Variants in FBXO22 observed in about 807,000 individuals in gnomAD.
FBXO22 encodes the protein F-box protein 22.
A neutral mutation model predicts 37.2 loss-of-function variants in FBXO22; 13 were observed. That is an observed-to-expected ratio of 0.35 (90% CI 0.23 to 0.56). The LOEUF is 0.56. Among genes scored for constraint, FBXO22 ranks in the 20% least tolerant of loss-of-function variants. The pLI is 0.87. For missense variants in FBXO22, 446 were observed against 509.9 expected (o/e 0.87, Z 1.21); for synonymous variants, 189 against 189.1 (o/e 1.00, Z 0.00).
chr15:75,914,119 G>T lies in FBXO22; in HGVS notation c.377G>T (p.Arg126Ile), dbSNP rs1389079567. Residue 126 changes from arginine to isoleucine, a missense_variant, in exon 4 of 7, where the codon AGA becomes ATA. Physicochemically the swap from Arg to Ile is moderately conservative, Grantham distance 97. This residue lies in a region of FBXO22 where 315 missense variants were observed against 410.1 expected (regional missense o/e 0.77). Coordinates refer to ENST00000308275, the MANE Select transcript of FBXO22 (RefSeq NM_147188.3). ...ECRGHKRARK[R>I]TSMETALALE... ...TACTGTATTTTTACAGCAAGGAAAA[G>T]AACTAGTATGGAAACAGCACTTGCC... is the stretch of plus-strand genomic sequence containing the variant. 5 of 1,611,486 alleles carry T rather than the reference G, an allele frequency of 3.1e-6. No individual in the cohort carries two copies. The highest frequency in any genetic ancestry group is 2.7e-5 in the African/African-American group (2 of 74,832).
intron 5 of FBXO22, among the ~76,000 whole-genome samples, chr15:75,928,689 C>T (rs553883280): frequency 1.3e-4 from 20 of 152,142 alleles, no homozygotes; most frequent in African/African-American, 3.6e-4. Flanking sequence ...CCATGACACA[C>T]GTTTGCCTGT....
rs2030205379 is a variant in FBXO22, at chr15:75,934,761, T to C, written c.*1659T>C. On this transcript the variant is annotated 3_prime_UTR_variant, in exon 7 of 7. Coordinates refer to ENST00000308275, the MANE Select transcript of FBXO22 (RefSeq NM_147188.3). ...ATTTTAGTCCTTGAATGTGCTCATA[T>C]AGCCCATAAGGCAAATATTTTTTAA... 6.6e-6 allele frequency: 1 copy of C among 152,248 alleles called. No homozygotes were observed. Among genetic ancestry groups the C allele is most frequent in the South Asian group, 2.1e-4 (1 of 4,828 alleles). The allele number at this position is 152,248 out of a possible 1,614,324, so 9.4% of individuals were successfully genotyped here.
chr15:75,903,900 C>T lies in FBXO22; in HGVS notation c.-64C>T, dbSNP rs924479345. 9.8e-6 allele frequency: 14 copies of T among 1,429,898 alleles called. No individual in the cohort carries two copies. Among genetic ancestry groups the T allele is most frequent in the Non-Finnish European group, 1.2e-5 (13 of 1,088,848 alleles). 88.6% of individuals were successfully genotyped at this position (1,429,898 alleles called of 1,614,324 possible). On this transcript the variant is annotated 5_prime_UTR_variant, in exon 1 of 7. Transcript: ENST00000308275. ...CTCAGTGCGCGCCGGCCGGGCAACC[C>T]TATGCTGGCGTAATCGGGTTCCTCC...
At position 75,936,358 on chromosome 15, in the gene FBXO22, C is replaced by G. The variant is rs988245751; in HGVS notation, c.*3256C>G. The G allele has an allele frequency of 3.9e-5, 6 of 152,066 alleles. No homozygotes were observed. Among genetic ancestry groups the G allele is most frequent in the Admixed American group, 1.3e-4 (2 of 15,274 alleles). The allele number at this position is 152,066 out of a possible 1,614,324, so 9.4% of individuals were successfully genotyped here. ...AGTAATAATATCCTTGTTAAATGAA[C>G]AAAGTGAATACGATATAAAGAATGT... On this transcript the variant is annotated 3_prime_UTR_variant, in exon 7 of 7. Coordinates refer to ENST00000308275, the MANE Select transcript of FBXO22 (RefSeq NM_147188.3).
rs1192055229 is a variant in FBXO22 at position 75,936,030 on chromosome 15, GC to G, written c.*2931del. ...TCTCGATCTCCTGACCTTGTGATCC[GC>G]CCGCCTCGGCCTCCCAAAGTGCTGG... On this transcript the variant is annotated 3_prime_UTR_variant, in exon 7 of 7. Transcript: ENST00000308275. The G allele has an allele frequency of 2.6e-5, 4 of 152,056 alleles. No individual in the cohort carries two copies. Among genetic ancestry groups the G allele is most frequent in the African/African-American group, 7.2e-5 (3 of 41,392 alleles). The allele number at this position is 152,056 out of a possible 1,614,324, so 9.4% of individuals were successfully genotyped here. A position where few individuals can be genotyped will look rare whatever the true frequency, so the allele number is the denominator to read the frequency against.
At chr15:75,904,466 AT>A in intron 1 of FBXO22, 24 bp from the exon 2 acceptor site, 1 of 1,613,032 alleles carries the variant, frequency 6.2e-7, no homozygotes, top group Non-Finnish European at 8.5e-7. Flanking sequence ...TCCGTTCGCA[AT>A]CCTTTGTGCG....
Position 75,914,159 on chromosome 15 carries a change from C to A in FBXO22, c.417C>A (p.Phe139Leu), listed in dbSNP as rs368858406. 22 of 1,613,682 alleles carry A rather than the reference C, an allele frequency of 1.4e-5. No individual in the cohort carries two copies. Among genetic ancestry groups the A allele is most frequent in the Non-Finnish European group, 1.9e-5 (22 of 1,179,824 alleles). The change falls in exon 4 of 7, where the codon TTC (phenylalanine) becomes TTA (leucine). Residue 139 changes from phenylalanine (F) to leucine (L), a missense_variant. By Grantham distance (22) the Phe-to-Leu change is conservative. Around this residue, in one of 2 missense-constraint regions of FBXO22, gnomAD observed 315 missense variants for 410.1 expected, o/e 0.77. Transcript: ENST00000308275. The stretch of plus-strand genomic sequence containing the variant: ...CAGCACTTGCCCTTGAGAAGCTATT[C>A]CCCAAACAATGCCAAGTCCTTGGGA... Reference protein sequence around the residue: ...METALALEKLFPKQCQVLGIV... With the variant: ...METALALEKLLPKQCQVLGIV...
chr15:75,930,223 G>T (rs1001139690), intron 6 of FBXO22, 174 bp downstream of exon 6: 6 of 1,437,874 alleles, frequency 4.2e-6, no homozygotes, highest in Non-Finnish European at 5.5e-6. Context: ...TTCTGCTTAC[G>T]GTTGAATAAT....
chr15:75,928,213 CAG>C (rs1387135903), intron 5 of FBXO22, among the ~76,000 whole-genome samples: 1 of 151,994 alleles, frequency 6.6e-6, no homozygotes, highest in Non-Finnish European at 1.5e-5. Context: ...GACCTAAAGA[CAG>C]AAATACCATT....
chr15:75,911,163 G>A (rs1900043492), intron 2 of FBXO22, among the ~76,000 whole-genome samples: 1 of 152,162 alleles, frequency 6.6e-6, no homozygotes, highest in African/African-American at 2.4e-5. Context: ...TTTGGTTACT[G>A]TAGCCTTGTA....
chr15:75,908,195 G>C (rs1038857006), intron 2 of FBXO22, among the ~76,000 whole-genome samples: 25 of 152,050 alleles, frequency 1.6e-4, no homozygotes, highest in African/African-American at 5.8e-4. Context: ...GAAACCTGAG[G>C]CCTAAAAGCT....
chr15:75,928,582 G>A (rs2029887577), intron 5 of FBXO22, among the ~76,000 whole-genome samples: 2 of 152,206 alleles, frequency 1.3e-5, no homozygotes, highest in African/African-American at 4.8e-5. Flanking sequence ...GGGCCTACCA[G>A]AGGGTGGAGG....
rs1412747686 is a variant in FBXO22 at position 75,903,937 on chromosome 15, G to A, written c.-27G>A. The A allele has an allele frequency of 5.3e-6, 8 of 1,519,694 alleles. No homozygotes were observed. The highest frequency in any genetic ancestry group is 7.1e-6 in the Non-Finnish European group (8 of 1,128,894). 94.1% of individuals were successfully genotyped at this position (1,519,694 alleles called of 1,614,324 possible). A position where few individuals can be genotyped will look rare whatever the true frequency, so the allele number is the denominator to read the frequency against. ...AATCGGGTTCCTCCGAGCCGCCGTA[G>A]GACTGGTTCCGGCGGGCTGGTGAGG... On this transcript the variant is annotated 5_prime_UTR_variant, in exon 1 of 7. Coordinates refer to ENST00000308275, the MANE Select transcript of FBXO22 (RefSeq NM_147188.3).
intron 5 of FBXO22, among the ~76,000 whole-genome samples, chr15:75,923,140 T>C (rs756108236): frequency 5.3e-5 from 8 of 152,202 alleles, no homozygotes; most frequent in Non-Finnish European, 1.2e-4. Flanking sequence ...GAGGCCCTGA[T>C]ATGTGGCACT....
rs2031077863 is a variant in FBXO22 at position 75,942,333 on chromosome 15, T to G, written c.*9231T>G. ...GCTTCAGCTAGCCTGGATGACAGAG[T>G]GAGACTTTGTCTCAAAAAGTAAAGT... On this transcript the variant is annotated 3_prime_UTR_variant, in exon 7 of 7. Transcript: ENST00000308275. 1 of 151,644 alleles carries G rather than the reference T, an allele frequency of 6.6e-6. No individual in the cohort carries two copies. Among genetic ancestry groups the G allele is most frequent in the Admixed American group, 6.6e-5 (1 of 15,226 alleles). The allele number at this position is 151,644 out of a possible 1,614,324, so 9.4% of individuals were successfully genotyped here.
rs544612400 is a variant in FBXO22, at chr15:75,904,533, G to A, written c.183G>A (p.Arg61=). ...LWRECVRRVL[R]THRSVTWISA... ...GGGAGTGTGTGCGCAGAGTATTGCG[G>A]ACCCATCGGAGCGTAACCTGGATCT... The change falls in exon 2 of 7, where the codon CGG becomes CGA. Residue 61 remains arginine (R), a synonymous_variant. Transcript: ENST00000308275. 1.2e-6 allele frequency: 2 copies of A among 1,613,950 alleles called. No homozygotes were observed. The highest frequency in any genetic ancestry group is 1.1e-5 in the South Asian group (1 of 91,044).
At chr15:75,909,404 G>A (rs1233227367) in intron 2 of FBXO22, among the ~76,000 whole-genome samples, 3 of 152,158 alleles carry the variant, frequency 2.0e-5, no homozygotes, top group Non-Finnish European at 4.4e-5. Flanking sequence ...GTAAGCTAAG[G>A]GGCCCTGAAG....
chr15:75,917,540 C>A, intron 5 of FBXO22, 146 bp downstream of exon 5: 1 of 589,146 alleles, frequency 1.7e-6, no homozygotes, highest in Non-Finnish European at 3.0e-6. Context: ...CTAATTCAAA[C>A]AGGTGATTCA....
Position 75,913,286 on chromosome 15 carries a change from G to A in FBXO22, c.363G>A (p.Lys121=), listed in dbSNP as rs1308062057. Residue 121 remains lysine, a synonymous_variant, in exon 3 of 7, where the codon AAG becomes AAA. Transcript: ENST00000308275. ...FISLEECRGH[K]RARKRTSMET... is the part of the protein sequence containing the mutation. The stretch of plus-strand genomic sequence containing the variant: ...GTCTGGAAGAGTGTCGTGGCCATAA[G>A]AGAGGTAAATATCAAAAGAAAAGCT... The A allele has an allele frequency of 6.2e-7, 1 of 1,602,080 alleles. No individual in the cohort carries two copies. Among genetic ancestry groups the A allele is most frequent in the African/African-American group, 1.3e-5 (1 of 74,110 alleles).
Sources: gnomAD v4.1 joint callset for allele counts (sites outside exome capture counted in the v4.1 genomes callset) on GRCh38, gnomAD v4.1.1 for gene constraint, gnomAD v4.1.1 regional missense constraint, MANE v1.5 for transcripts, NCBI Gene and HGNC (gene_info 2026-07-23, HGNC 2026-07-21) for gene names.